The following ALG12 variants were observed in gnomAD, a reference collection of about 807,000 sequenced individuals.
ALG12 encodes the protein dol-P-Man:Man(7)GlcNAc(2)-PP-Dol alpha-1,6-mannosyltransferase.
ALG12 carries 36 observed loss-of-function variants against 46.0 expected under a neutral mutation model. That is an observed-to-expected ratio of 0.78 (90% CI 0.60 to 1.03). The LOEUF (loss-of-function observed/expected upper bound fraction) is 1.03, where lower values mean the gene tolerates loss of function less well. Ranked by LOEUF, ALG12 falls within the 50% of genes least tolerant of loss-of-function variation. The pLI is 0.00. For missense variants in ALG12, 599 were observed against 633.5 expected (o/e 0.95, Z 0.58); for synonymous variants, 326 against 291.6 (o/e 1.12, Z -1.20).
chr22:49,862,865 CTAATTTTTG>C, the ALG12 span, among the ~76,000 whole-genome samples: 1 of 151,978 alleles, frequency 6.6e-6, no homozygotes, highest in East Asian at 1.9e-4. Context: ...CCACGCCTGG[CTAATTTTTG>C]TAGTTTTAGT....
chr22:49,884,560 G>C, the ALG12 span: 3 of 1,613,370 alleles, frequency 1.9e-6, no homozygotes, highest in Admixed American at 5.0e-5. Context: ...GTCGCCACTG[G>C]ACAACTCCAA....
chr22:49,870,933 TA>T, the ALG12 span, among the ~76,000 whole-genome samples: 1 of 121,600 alleles, frequency 8.2e-6, no homozygotes, highest in East Asian at 2.6e-4. Flanking sequence ...TAAGTATTTT[TA>T]AAAGATAGAT....
At chr22:49,877,850 CT>C in the ALG12 span, among the ~76,000 whole-genome samples, 1 of 152,146 alleles carries the variant, frequency 6.6e-6, no homozygotes, top group Admixed American at 6.5e-5. Flanking sequence ...GCCCTTTGGC[CT>C]CCCGCACTCT....
the ALG12 span, among the ~76,000 whole-genome samples, chr22:49,871,389 G>A: frequency 9.9e-5 from 15 of 152,066 alleles, no homozygotes; most frequent in Non-Finnish European, 2.1e-4. Context: ...AGGAGGCTGA[G>A]GCAGGAGAAA....
chr22:49,891,486 C>T, the ALG12 span, among the ~76,000 whole-genome samples: 3 of 152,218 alleles, frequency 2.0e-5, no homozygotes, highest in Non-Finnish European at 4.4e-5. Context: ...GATGGTCTGC[C>T]ACTGTGGTCT....
At chr22:49,893,057 C>T in the ALG12 span, among the ~76,000 whole-genome samples, 1 of 152,040 alleles carries the variant, frequency 6.6e-6, no homozygotes, top group African/African-American at 2.4e-5. Flanking sequence ...TGAAGAATTC[C>T]CTAGATGTAG....
chr22:49,883,947 C>T, the ALG12 span: 42 of 1,613,510 alleles, frequency 2.6e-5, no homozygotes, highest in East Asian at 8.9e-5. Flanking sequence ...GCACCCTATA[C>T]GACGTGGCCA....
the ALG12 span, among the ~76,000 whole-genome samples, chr22:49,870,845 A>AT: frequency 2.0e-5 from 3 of 152,112 alleles, no homozygotes; most frequent in South Asian, 6.2e-4. Flanking sequence ...CCAGTTGTCA[A>AT]TTTTTGTTTC....
At position 49,913,759 on chromosome 22, in the gene ALG12, C is replaced by T. The variant is rs2060595010; in HGVS notation, c.7G>A (p.Gly3Arg). 6.2e-7 allele frequency: 1 copy of T among 1,613,492 alleles called. No homozygotes were observed. Among genetic ancestry groups the T allele is most frequent in the South Asian group, 1.1e-5 (1 of 91,056 alleles). The change falls in exon 2 of 10, where the codon GGA becomes AGA. Residue 3 changes from glycine to arginine, a missense_variant. Transcript: ENST00000330817. ...GGCCGCCTGCCTGATGACCCCTTTC[C>T]AGCCATTCCAGGCTTTCAGCTTCAC... MA[G>R]KGSSGRRPLL...
intron 3 of ALG12, among the ~76,000 whole-genome samples, chr22:49,911,297 G>A (rs1311215138): frequency 2.0e-5 from 3 of 152,196 alleles, no homozygotes; most frequent in Non-Finnish European, 2.9e-5. Flanking sequence ...CAGCTGTGGG[G>A]GCCAATGGGC....
chr22:49,904,361 G>A lies in ALG12; in HGVS notation c.1138C>T (p.His380Tyr), dbSNP rs911845261. The part of the protein sequence containing the change: ...YPGGVAMQRL[H>Y]QLVPPQTDVL... ...CCTGTCTGGGGGGGCACCAGCTGGT[G>A]CAGCCTCTGCATTGCGACGCCACCT... The change falls in exon 8 of 10, where the codon CAC (histidine) becomes TAC (tyrosine). Residue 380 changes from histidine (H) to tyrosine (Y), a missense_variant. Transcript: ENST00000330817. 1.2e-6 allele frequency: 2 copies of A among 1,614,226 alleles called. No homozygotes were observed. Among genetic ancestry groups the A allele is most frequent in the Non-Finnish European group, 1.7e-6 (2 of 1,180,044 alleles).
intron 3 of ALG12, 91 bp downstream of exon 3, chr22:49,913,294 T>C: frequency 1.3e-6 from 2 of 1,582,162 alleles, no homozygotes; most frequent in Non-Finnish European, 1.7e-6. Context: ...ACAGACAGCG[T>C]TCCTGGGCAG....
chr22:49,909,097 G>C (rs944102755), intron 6 of ALG12, 147 bp downstream of exon 6: 1 of 849,526 alleles, frequency 1.2e-6, no homozygotes, highest in African/African-American at 1.7e-5. Flanking sequence ...CATTTCCCAG[G>C]AGCAAGTGGG....
chr22:49,863,970 G>C, the ALG12 span, among the ~76,000 whole-genome samples: 2 of 152,188 alleles, frequency 1.3e-5, no homozygotes. Context: ...AACTCTCTCA[G>C]AGGTTTCTGG....
At chr22:49,887,213 C>A in the ALG12 span, 1 of 1,571,702 alleles carries the variant, frequency 6.4e-7, no homozygotes, top group Non-Finnish European at 8.6e-7. Context: ...AGAGGCGTGG[C>A]TGCCCCAGCG....
the ALG12 span, among the ~76,000 whole-genome samples, chr22:49,859,783 T>C: frequency 6.6e-6 from 1 of 152,226 alleles, no homozygotes; most frequent in East Asian, 1.9e-4. Flanking sequence ...CTCAGCACTT[T>C]GGGAGGCTGA....
At chr22:49,884,421 G>A in the ALG12 span, 1 of 1,613,924 alleles carries the variant, frequency 6.2e-7, no homozygotes. Context: ...CCCTGGTGGG[G>A]TCGTCTCCCC....
the ALG12 span, chr22:49,885,101 G>T: frequency 6.2e-7 from 1 of 1,614,084 alleles, no homozygotes; most frequent in Admixed American, 1.7e-5. Flanking sequence ...TGTCGGTACT[G>T]CGGCTGTGCC....
the ALG12 span, chr22:49,884,898 G>T: frequency 1.2e-6 from 2 of 1,602,444 alleles, no homozygotes; most frequent in Non-Finnish European, 1.7e-6. Context: ...AAGACGTGGC[G>T]GCCTTCTCAT....
Sources: allele counts gnomAD v4.1 joint callset (sites outside exome capture counted in the v4.1 genomes callset), GRCh38; gene constraint gnomAD v4.1.1; transcripts MANE v1.5; gene names NCBI Gene and HGNC (gene_info 2026-07-23, HGNC 2026-07-21).